NKTR: variants seen among roughly 807,000 people sequenced by gnomAD.
The protein encoded by NKTR is NK-tumor recognition protein.
Under a neutral mutation model 156.3 loss-of-function variants are expected in NKTR, and 67 were observed. The observed-to-expected ratio is 0.43, with a 90% confidence interval of 0.35 to 0.53. The LOEUF is 0.53. Among genes scored for constraint, NKTR ranks in the 20% least tolerant of loss-of-function variants. NKTR has a pLI of 0.01. For missense variants in NKTR, 1,604 were observed against 1,730.9 expected (o/e 0.93, Z 1.30); for synonymous variants, 640 against 596.6 (o/e 1.07, Z -1.06).
In NKTR at chr3:42,642,476, A is replaced by AT. The variant is rs756265005; in HGVS notation, c.4047-19dup. The AT allele has an allele frequency of 3.9e-6, 6 of 1,536,400 alleles. No individual in the cohort carries two copies. The Admixed American group carries it at 1.0e-4, about 26-fold the overall frequency. On this transcript the variant is annotated intron_variant, in intron 13 of 16. Coordinates refer to ENST00000232978, the MANE Select transcript of NKTR (RefSeq NM_005385.4). The stretch of plus-strand genomic sequence containing the variant: ...TCATGATGAGTCAACATAATTATAT[A>AT]TTTTTTCAATTGCTTTAATTGTAGA...
At chr3:42,632,219 A>G (rs1314441292) in intron 8 of NKTR, among the ~76,000 whole-genome samples, 1 of 151,544 alleles carries the variant, frequency 6.6e-6, no homozygotes, top group African/African-American at 2.4e-5. Flanking sequence ...ATAGGGATGC[A>G]CCACCATGCC....
chr3:42,642,705 A>C, intron 14 of NKTR, 109 bp downstream of exon 14: 1 of 747,016 alleles, frequency 1.3e-6, no homozygotes, highest in South Asian at 1.5e-5. Context: ...TACTGAATAT[A>C]CTACTGGCCT....
At position 42,639,440 on chromosome 3, in the gene NKTR, G is replaced by A. The variant is rs2125821115; in HGVS notation, c.3736G>A (p.Val1246Met). ...AAPNAATSSAVEVKVLTTVPE... is the reference protein window; with the variant it reads ...AAPNAATSSAMEVKVLTTVPE... ...ACCTAATGCTGCCACATCCAGTGCT[G>A]TGGAAGTTAAGGTGTTGACCACTGT... is the stretch of plus-strand genomic sequence containing the variant. The change falls in exon 13 of 17, where the codon GTG (valine) becomes ATG (methionine). Residue 1246 changes from valine to methionine, a missense_variant. By Grantham distance (21) the Val-to-Met change is conservative. Coordinates refer to ENST00000232978, the MANE Select transcript of NKTR (RefSeq NM_005385.4). 6.2e-7 allele frequency: 1 copy of A among 1,614,210 alleles called. No individual in the cohort carries two copies. Among genetic ancestry groups the A allele is most frequent in the Middle Eastern group, 1.6e-4 (1 of 6,062 alleles).
At chr3:42,620,112 G>T in intron 5 of NKTR, 1 of 1,517,116 alleles carries the variant, frequency 6.6e-7, no homozygotes, top group Non-Finnish European at 8.8e-7. Context: ...ATAAATTTAT[G>T]GACAGTCTGG....
chr3:42,645,371 A>G (rs1398758957), intron 16 of NKTR, among the ~76,000 whole-genome samples: 2 of 152,176 alleles, frequency 1.3e-5, no homozygotes, highest in African/African-American at 4.8e-5. Flanking sequence ...ACAACTTGTC[A>G]TTTAAAACAG....
chr3:42,632,935 C>T, intron 9 of NKTR, 112 bp downstream of exon 9: 9 of 1,319,748 alleles, frequency 6.8e-6, no homozygotes, highest in Non-Finnish European at 8.7e-6. Context: ...AAAAGGATAG[C>T]ACTTTTTAAA....
intron 4 of NKTR, 147 bp downstream of exon 4, chr3:42,619,274 G>A (rs1707692554): frequency 1.4e-6 from 2 of 1,441,272 alleles, no homozygotes; most frequent in Non-Finnish European, 1.8e-6. Flanking sequence ...AATATTATAG[G>A]TCCAGAATGT....
At chr3:42,607,969 CTTTTTTTTTTTTTTTTTTTTTTTTTTTT>C (rs201803926) in intron 2 of NKTR, among the ~76,000 whole-genome samples, 11 of 74,972 alleles carry the variant, frequency 1.5e-4, no homozygotes, top group East Asian at 5.9e-4. Context: ...CTGAGTCGCT[CTTTTTTTTTTTTTTTTTTTTTTTTTTTT>C]TTTTTTTTTT....
At chr3:42,640,697 G>A (rs762206176) in intron 13 of NKTR, among the ~76,000 whole-genome samples, 6 of 151,916 alleles carry the variant, frequency 3.9e-5, no homozygotes, top group African/African-American at 1.2e-4. Flanking sequence ...TCCCCTCCCC[G>A]CATCTCTTAG....
chr3:42,621,098 T>G (rs777618494), intron 5 of NKTR: 15 of 987,814 alleles, frequency 1.5e-5, no homozygotes, highest in Non-Finnish European at 1.8e-5. Flanking sequence ...AAGCTAGAGA[T>G]TTTTCTAAAA....
At chr3:42,644,978 T>TTGTGTGTG (rs35077404) in intron 16 of NKTR, among the ~76,000 whole-genome samples, 1 of 150,806 alleles carries the variant, frequency 6.6e-6, no homozygotes, top group Non-Finnish European at 1.5e-5. Flanking sequence ...TTTTGTGTCT[T>TTGTGTGTG]TGTGTGTGTG....
intron 5 of NKTR, chr3:42,620,340 G>A: frequency 1.3e-5 from 15 of 1,131,494 alleles, no homozygotes; most frequent in Non-Finnish European, 1.6e-5. Flanking sequence ...GTTTTCTTTT[G>A]TATATTAGAA....
Position 42,647,713 on chromosome 3 carries a change from A to G in NKTR, c.*1738A>G, listed in dbSNP as rs1361779521. The stretch of plus-strand genomic sequence containing the variant: ...GTTGCCTGCAAAGGAGAATATTACT[A>G]CTAGTCAGCAGGAAAAAAATGCATT... On this transcript the variant is annotated 3_prime_UTR_variant, in exon 17 of 17. Transcript: ENST00000232978. 6.6e-6 allele frequency: 1 copy of G among 152,180 alleles called. No individual in the cohort carries two copies. Among genetic ancestry groups the G allele is most frequent in the Non-Finnish European group, 1.5e-5 (1 of 68,048 alleles). The allele number at this position is 152,180 out of a possible 1,614,324, so 9.4% of individuals were successfully genotyped here.
At position 42,637,069 on chromosome 3, in the gene NKTR, G is replaced by C. The variant is rs1387782241; in HGVS notation, c.1365G>C (p.Lys455Asn). Residue 455 changes from lysine to asparagine, a missense_variant, in exon 13 of 17, where the codon AAG (lysine) becomes AAC (asparagine). Lys to Asn is a moderately conservative substitution (Grantham distance 94). Transcript: ENST00000232978. ...ACTGCAGAAGACACAAACAAACAAAGAAGAGAAGGATTCTTATACCGTCTG... is the reference window on the plus strand; with the variant it reads ...ACTGCAGAAGACACAAACAAACAAACAAGAGAAGGATTCTTATACCGTCTG... ...QKHCRRHKQT[K>N]KRRILIPSDI... 24 of 1,604,728 alleles carry C rather than the reference G, an allele frequency of 1.5e-5. No homozygotes were observed. The highest frequency in any genetic ancestry group is 2.2e-5 in the South Asian group (2 of 89,132).
Position 42,646,013 on chromosome 3 carries a change from T to C in NKTR, c.*38T>C, listed in dbSNP as rs993754352. On this transcript the variant is annotated 3_prime_UTR_variant, in exon 17 of 17. Transcript: ENST00000232978. ...ACAAATTATATCTTATTTGTAAATA[T>C]CTGGCAACTTAGCTTAAGAAATGTA... 1 of 1,437,038 alleles carries C rather than the reference T, an allele frequency of 7.0e-7. No homozygotes were observed. Among genetic ancestry groups the C allele is most frequent in the Non-Finnish European group, 9.8e-7 (1 of 1,023,872 alleles). 89.0% of individuals were successfully genotyped at this position (1,437,038 alleles called of 1,614,324 possible). A position where few individuals can be genotyped will look rare whatever the true frequency, so the allele number is the denominator to read the frequency against.
At position 42,603,360 on chromosome 3, in the gene NKTR, TAAAAAAAAAAAAAAA is replaced by T. The variant is rs376932471; in HGVS notation, c.58+2307_58+2321del. Among the ~76,000 whole-genome samples, 21 of 92,758 alleles carry T rather than the reference TAAAAAAAAAAAAAAA, an allele frequency of 2.3e-4. No homozygotes were observed. The South Asian group carries it at 3.9e-3, about 17-fold the overall frequency. The allele number at this position is 92,758 out of a possible 152,430, so 60.9% of individuals were successfully genotyped here. ...GGTCAACAGAGCAAGATCTTGTTTC[TAAAAAAAAAAAAAAA>T]AAAAAAAAAACAGCTTAAGAAAAAG... is the stretch of plus-strand genomic sequence containing the variant. On this transcript the variant is annotated intron_variant, in intron 2 of 16. Transcript: ENST00000232978.
rs765993809 is a variant in NKTR at position 42,632,629 on chromosome 3, T to A, written c.579T>A (p.Thr193=). 3 of 1,609,682 alleles carry A rather than the reference T, an allele frequency of 1.9e-6. No individual in the cohort carries two copies. The highest frequency in any genetic ancestry group is 1.1e-5 in the South Asian group (1 of 89,474). ...TTGAGAAAAAAAGGAAGAAACCAAC[T>A]CATTCAGAAGGCTCGGATTCCTCTT... ...DVFEKKRKKP[T]HSEGSDSSSN... is the part of the protein sequence containing the mutation. The change falls in exon 9 of 17, where the codon ACT becomes ACA. Residue 193 remains threonine (T), a synonymous_variant. Coordinates refer to ENST00000232978, the MANE Select transcript of NKTR (RefSeq NM_005385.4).
intron 2 of NKTR, among the ~76,000 whole-genome samples, chr3:42,616,709 G>T (rs1707400771): frequency 6.6e-6 from 1 of 152,152 alleles, no homozygotes; most frequent in African/African-American, 2.4e-5. Context: ...TTGTAGGGAA[G>T]CATAACCTCT....
At chr3:42,619,152 A>G in intron 4 of NKTR, 25 bp downstream of exon 4, 1 of 1,591,796 alleles carries the variant, frequency 6.3e-7, no homozygotes, top group South Asian at 1.2e-5. Flanking sequence ...TGTGTTCCTA[A>G]TAACTCCATC....
Sources: allele counts gnomAD v4.1 joint callset (sites outside exome capture counted in the v4.1 genomes callset), GRCh38; gene constraint gnomAD v4.1.1; transcripts MANE v1.5; gene names NCBI Gene and HGNC (gene_info 2026-07-23, HGNC 2026-07-21).